Variants in KAT6A observed in about 807,000 individuals in gnomAD.
The protein encoded by KAT6A is histone acetyltransferase KAT6A.
KAT6A carries 9 observed loss-of-function variants against 198.4 expected under a neutral mutation model. The ratio of observed to expected loss-of-function variants is 0.05; its 90% CI spans 0.03 to 0.08. The LOEUF (loss-of-function observed/expected upper bound fraction) is 0.08, where lower values mean the gene tolerates loss of function less well. KAT6A is among the 10% of genes least tolerant of loss of function. The pLI, the probability that KAT6A is intolerant of heterozygous loss-of-function variation, is 1.00. For missense variants in KAT6A, 2,077 were observed against 2,509.9 expected, an observed-to-expected ratio of 0.83 and a Z score of 3.69; for synonymous variants, 890 against 883.0, an observed-to-expected ratio of 1.01 and a Z score of -0.14.
chr8:41,953,258 T>C (rs1822754326), intron 9 of KAT6A, among the ~76,000 whole-genome samples: 2 of 152,178 alleles, frequency 1.3e-5, no homozygotes, highest in Admixed American at 6.5e-5. Flanking sequence ...TTTCCATTCC[T>C]GAATCTATTT....
intron 8 of KAT6A, chr8:41,957,565 T>C (rs1822984725): frequency 1.3e-5 from 3 of 239,160 alleles, no homozygotes; most frequent in Non-Finnish European, 2.5e-5. Flanking sequence ...TATATTTAAA[T>C]GTTTAACTCA....
At chr8:41,979,752 G>A (rs988391006) in intron 5 of KAT6A, among the ~76,000 whole-genome samples, 10 of 152,006 alleles carry the variant, frequency 6.6e-5, no homozygotes, top group African/African-American at 2.4e-4. Context: ...TGTAATCCCA[G>A]CACTTTGGGA....
intron 5 of KAT6A, among the ~76,000 whole-genome samples, chr8:41,979,513 G>A (rs1587774757): frequency 6.6e-6 from 1 of 151,770 alleles, no homozygotes; most frequent in Non-Finnish European, 1.5e-5. Context: ...GGTGGCTCAC[G>A]CCTGTAATCC....
At chr8:42,010,828 C>T (rs910071760) in intron 2 of KAT6A, among the ~76,000 whole-genome samples, 2 of 152,154 alleles carry the variant, frequency 1.3e-5, no homozygotes, top group African/African-American at 2.4e-5. Context: ...TCTTTGCTTC[C>T]CCAGGGTTTC....
chr8:42,003,785 G>A (rs1199208207), intron 2 of KAT6A, among the ~76,000 whole-genome samples: 1 of 152,012 alleles, frequency 6.6e-6, no homozygotes, highest in Non-Finnish European at 1.5e-5. Context: ...ATAAAGCTGG[G>A]GCCCTAATCC....
chr8:41,949,457 C>T (rs1822563572), intron 9 of KAT6A, 94 bp from the exon 10 acceptor site: 2 of 905,298 alleles, frequency 2.2e-6, no homozygotes, highest in Non-Finnish European at 3.0e-6. Context: ...TCATTACTAC[C>T]CAGGTAACAG....
chr8:41,940,584 G>C lies in KAT6A; in HGVS notation c.3039+258C>G, dbSNP rs1165725012. The stretch of plus-strand genomic sequence containing the variant: ...CAGTAAGCTAAAAAAAAGTTTGTTT[G>C]CATCCCAGGAGGTGAAGCCCTTAAA... On this transcript the variant is annotated intron_variant, in intron 15 of 16. Transcript: ENST00000265713. 5.3e-5 allele frequency among the ~76,000 whole-genome samples: 8 copies of C among 152,248 alleles called. No homozygotes were observed. In the East Asian group the frequency reaches 1.5e-3, roughly 29 times the overall value.
At chr8:42,046,594 T>C (rs2150931564) in intron 2 of KAT6A, among the ~76,000 whole-genome samples, 2 of 152,262 alleles carry the variant, frequency 1.3e-5, no homozygotes, top group Middle Eastern at 6.8e-3. Flanking sequence ...AATTCACAGG[T>C]ATGGCACTGA....
chr8:42,051,424 C>A (rs936150651), intron 1 of KAT6A, among the ~76,000 whole-genome samples: 1 of 150,668 alleles, frequency 6.6e-6, no homozygotes, highest in Non-Finnish European at 1.5e-5. Context: ...GAGCCCGAAC[C>A]CGAGCGCCCG....
chr8:41,970,762 C>G (rs1159312388), intron 8 of KAT6A, among the ~76,000 whole-genome samples: 1 of 152,204 alleles, frequency 6.6e-6, no homozygotes, highest in Admixed American at 6.5e-5. Flanking sequence ...GCTATAAAGA[C>G]ACATGCACAT....
At chr8:41,989,631 AAT>A (rs1824825041) in intron 2 of KAT6A, among the ~76,000 whole-genome samples, 1 of 152,226 alleles carries the variant, frequency 6.6e-6, no homozygotes, top group Non-Finnish European at 1.5e-5. Flanking sequence ...ACCCACTGAC[AAT>A]ATAATACAGA....
chr8:41,978,498 G>A lies in KAT6A; in HGVS notation c.1043+144C>T, dbSNP rs116942254. 9.5e-3 allele frequency: 7,392 copies of A among 781,658 alleles called. 50 individuals carry two copies. Among genetic ancestry groups the A allele is most frequent in the Non-Finnish European group, 0.013 (6,151 of 482,754 alleles). The allele number at this position is 781,658 out of a possible 1,614,324, so 48.4% of individuals were successfully genotyped here. On this transcript the variant is annotated intron_variant, in intron 6 of 16. Coordinates refer to ENST00000265713, the MANE Select transcript of KAT6A (RefSeq NM_006766.5). Reference sequence around the variant, plus strand: ...GAATAGTGTCTGGCACTTATTAAGGGCTGAATAAGTGTTAGCCATTATTAT... The same window carrying A: ...GAATAGTGTCTGGCACTTATTAAGGACTGAATAAGTGTTAGCCATTATTAT...
intron 2 of KAT6A, among the ~76,000 whole-genome samples, chr8:42,016,507 T>G (rs1283813190): frequency 6.6e-6 from 1 of 152,204 alleles, no homozygotes; most frequent in Admixed American, 6.5e-5. Flanking sequence ...AAAACCATCA[T>G]GAAGTACACA....
intron 9 of KAT6A, 67 bp from the exon 10 acceptor site, chr8:41,949,430 TATC>T: frequency 8.1e-7 from 1 of 1,241,890 alleles, no homozygotes; most frequent in Non-Finnish European, 1.1e-6. Flanking sequence ...CTTCCACAAT[TATC>T]ATCTTTTTGC....
intron 2 of KAT6A, among the ~76,000 whole-genome samples, chr8:42,022,088 G>A (rs1265090669): frequency 6.6e-6 from 1 of 152,034 alleles, no homozygotes; most frequent in Non-Finnish European, 1.5e-5. Flanking sequence ...ACCTCTATGA[G>A]CCTTCAACAC....
At chr8:42,051,612 G>C (rs1256663071) in intron 1 of KAT6A, among the ~76,000 whole-genome samples, 2 of 145,004 alleles carry the variant, frequency 1.4e-5, no homozygotes, top group Non-Finnish European at 3.1e-5. Flanking sequence ...CGGCGGGATC[G>C]GGGGCGCGGG....
chr8:42,037,841 G>T (rs979765283), intron 2 of KAT6A, among the ~76,000 whole-genome samples: 5 of 151,972 alleles, frequency 3.3e-5, no homozygotes. Flanking sequence ...TAATGTACTT[G>T]CTAAGTTTTA....
At chr8:42,003,331 T>C (rs1482987697) in intron 2 of KAT6A, among the ~76,000 whole-genome samples, 1 of 152,094 alleles carries the variant, frequency 6.6e-6, no homozygotes, top group Non-Finnish European at 1.5e-5. Context: ...GAGACCCAAC[T>C]TTGTGGGGCC....
intron 2 of KAT6A, among the ~76,000 whole-genome samples, chr8:42,028,238 CA>C (rs1826934722): frequency 6.6e-6 from 1 of 152,106 alleles, no homozygotes; most frequent in Non-Finnish European, 1.5e-5. Flanking sequence ...CTGTAAATAC[CA>C]GTCAGGTCCA....
Sources: allele counts gnomAD v4.1 joint callset (sites outside exome capture counted in the v4.1 genomes callset), GRCh38; gene constraint gnomAD v4.1.1; transcripts MANE v1.5; gene names NCBI Gene and HGNC (gene_info 2026-07-23, HGNC 2026-07-21).